The following DALRD3 variants were observed in gnomAD, a reference collection of about 807,000 sequenced individuals.
The protein encoded by DALRD3 is DALR anticodon-binding domain-containing protein 3.
A neutral mutation model predicts 56.7 loss-of-function variants in DALRD3; 47 were observed. That is an observed-to-expected ratio of 0.83 (90% CI 0.66 to 1.06). DALRD3 has a LOEUF of 1.06. Ranked by LOEUF, DALRD3 falls within the 50% of genes least tolerant of loss-of-function variation. DALRD3 has a pLI of 0.00. For synonymous variants in DALRD3, 347 were observed against 308.5 expected (o/e 1.12, Z -1.31); for missense variants, 787 against 724.0 (o/e 1.09, Z -1.00).
At chr3:49,019,776 A>G (rs1353171022), upstream of DALRD3, among the ~76,000 whole-genome samples, 1 of 152,206 alleles carries the variant, frequency 6.6e-6, no homozygotes. Flanking sequence ...CGCCCGGCTC[A>G]GAATGACCAG....
Position 49,017,739 on chromosome 3 carries a change from C to T in DALRD3, c.592G>A (p.Glu198Lys), listed in dbSNP as rs772964964. 1 of 1,613,964 alleles carries T rather than the reference C, an allele frequency of 6.2e-7. No individual in the cohort carries two copies. The highest frequency in any genetic ancestry group is 8.5e-7 in the Non-Finnish European group (1 of 1,180,040). Residue 198 changes from glutamate to lysine, a missense_variant, in exon 3 of 12, where the codon GAA becomes AAA. Physicochemically the swap from Glu to Lys is moderately conservative, Grantham distance 56. Transcript: ENST00000341949. ...CTCCCGTCATTAGCAGAGGTAAGTT[C>T]TTCAAGGGCGTGGCTCCTCAGGGTG... ...SHTLRSHALE[E>K]LTSANDGRTL...
intron 2 of DALRD3, 71 bp from the exon 3 acceptor site, chr3:49,017,940 G>A: frequency 6.5e-7 from 1 of 1,530,306 alleles, no homozygotes; most frequent in South Asian, 1.2e-5. Flanking sequence ...ACCTCCAGCC[G>A]CAGTCCCCAC....
Position 49,018,319 on chromosome 3 carries a change from C to T in DALRD3, c.166-1G>A. On this transcript the variant is annotated splice_acceptor_variant, in intron 1 of 11. Coordinates refer to ENST00000341949, the MANE Select transcript of DALRD3 (RefSeq NM_001009996.3). LOFTEE classifies it high-confidence loss of function. ...GGGCATGGAGCAAATGCTCCGGAAC[C>T]TGCGGGAGAACGGGCGTGTAAAAGA... 2 of 1,480,158 alleles carry T rather than the reference C, an allele frequency of 1.4e-6. No individual in the cohort carries two copies. Among genetic ancestry groups the T allele is most frequent in the Non-Finnish European group, 1.8e-6 (2 of 1,121,968 alleles). 91.7% of individuals were successfully genotyped at this position (1,480,158 alleles called of 1,614,324 possible). A position where few individuals can be genotyped will look rare whatever the true frequency, so the allele number is the denominator to read the frequency against.
upstream of DALRD3, chr3:49,019,007 G>A (rs1404613128): frequency 1.0e-6 from 1 of 985,400 alleles, no homozygotes; most frequent in Non-Finnish European, 1.2e-6. Context: ...AAAATATCTC[G>A]TTTTAAAAAG....
rs1559906158 is a variant in DALRD3 at position 49,017,743 on chromosome 3, AAGGGCGTGGCTCCTC to A, written c.573_587del (p.Arg192_Leu196del). The A allele has an allele frequency of 6.2e-7, 1 of 1,614,038 alleles. No homozygotes were observed. The highest frequency in any genetic ancestry group is 2.2e-5 in the East Asian group (1 of 44,884). ...CGTCATTAGCAGAGGTAAGTTCTTC[AAGGGCGTGGCTCCTC>A]AGGGTGTGGGAGGAAGCTCTCTCCG... On this transcript the variant is annotated inframe_deletion, in exon 3 of 12. Coordinates refer to ENST00000341949, the MANE Select transcript of DALRD3 (RefSeq NM_001009996.3).
Position 49,016,357 on chromosome 3 carries a change from C to A in DALRD3, c.1147-17G>T. 2 of 1,605,628 alleles carry A rather than the reference C, an allele frequency of 1.2e-6. No homozygotes were observed. Among genetic ancestry groups the A allele is most frequent in the Middle Eastern group, 3.3e-4 (2 of 6,034 alleles). Reference sequence around the variant, plus strand: ...CAGGAAGAGCTGGGGAATAGAAGCACAGCTGCAGAGAGAGAAGGCAGCCAC... The same window carrying A: ...CAGGAAGAGCTGGGGAATAGAAGCAAAGCTGCAGAGAGAGAAGGCAGCCAC... On this transcript the variant is annotated splice_polypyrimidine_tract_variant and intron_variant, in intron 8 of 11. Transcript: ENST00000341949.
intron 5 of DALRD3, 114 bp from the exon 6 acceptor site, chr3:49,016,961 C>T: frequency 2.4e-6 from 3 of 1,274,080 alleles, no homozygotes; most frequent in Non-Finnish European, 3.3e-6. Context: ...ATTGGAACTG[C>T]CAGGTTGAGT....
chr3:49,016,949 A>C (rs901047055), intron 5 of DALRD3, 102 bp from the exon 6 acceptor site: 1 of 1,372,286 alleles, frequency 7.3e-7, no homozygotes, highest in African/African-American at 1.4e-5. Flanking sequence ...AGACTCCCTC[A>C]AATTGGAACT....
At chr3:49,016,702 G>A (rs2093079756) in intron 6 of DALRD3, 29 bp from the exon 7 acceptor site, 2 of 1,611,826 alleles carry the variant, frequency 1.2e-6, no homozygotes, top group Non-Finnish European at 1.7e-6. Flanking sequence ...AAGGCCAGTG[G>A]GCAGGGTCCT....
At chr3:49,019,197 C>G (rs968906758), upstream of DALRD3, 3 of 232,132 alleles carry the variant, frequency 1.3e-5, no homozygotes, top group Non-Finnish European at 1.4e-5. Flanking sequence ...CTCAGCCTCC[C>G]GAGTAGCTGG....
Position 49,018,571 on chromosome 3 carries a change from C to T in DALRD3, c.-7G>A, listed in dbSNP as rs536287180. On this transcript the variant is annotated 5_prime_UTR_variant, in exon 1 of 12. Coordinates refer to ENST00000341949, the MANE Select transcript of DALRD3 (RefSeq NM_001009996.3). Reference sequence around the variant, plus strand: ...CAAGGCGCCTGGTCGCCATGGTGACCGGAAGGAGTAAGCGGAACCGGAAAA... The same window carrying T: ...CAAGGCGCCTGGTCGCCATGGTGACTGGAAGGAGTAAGCGGAACCGGAAAA... 2 of 1,564,474 alleles carry T rather than the reference C, an allele frequency of 1.3e-6. No homozygotes were observed. Among genetic ancestry groups the T allele is most frequent in the East Asian group, 2.4e-5 (1 of 42,512 alleles).
chr3:49,015,632 T>TA lies in DALRD3; in HGVS notation c.1587dup (p.Thr530TyrfsTer?), dbSNP rs1446460687. The stretch of plus-strand genomic sequence containing the variant: ...GGGAGACCCAGCATAGCCAGGCCAG[T>TA]ATGGAGCACCTCACGCACAGCTCTC... On this transcript the variant is annotated frameshift_variant, in exon 12 of 12. Coordinates refer to ENST00000341949, the MANE Select transcript of DALRD3 (RefSeq NM_001009996.3). LOFTEE classifies it high-confidence loss of function. 1 of 1,614,078 alleles carries TA rather than the reference T, an allele frequency of 6.2e-7. No homozygotes were observed. Among genetic ancestry groups the TA allele is most frequent in the Admixed American group, 1.7e-5 (1 of 59,994 alleles).
At chr3:49,017,379 G>C in intron 4 of DALRD3, 23 bp from the exon 5 acceptor site, 1 of 1,614,228 alleles carries the variant, frequency 6.2e-7, no homozygotes, top group Non-Finnish European at 8.5e-7. Context: ...AATCATAACT[G>C]TGGAAGTACA....
chr3:49,017,946 C>G (rs897066104), intron 2 of DALRD3, 77 bp from the exon 3 acceptor site: 45 of 1,518,744 alleles, frequency 3.0e-5, no homozygotes, highest in Non-Finnish European at 4.0e-5. Context: ...AGCCGCAGTC[C>G]CCACGGGCGG....
At position 49,018,485 on chromosome 3, in the gene DALRD3, A is replaced by T. The variant is rs1239643024; in HGVS notation, c.80T>A (p.Ile27Asn). Residue 27 changes from isoleucine to asparagine, a missense_variant, in exon 1 of 12, where the codon ATC becomes AAC. Coordinates refer to ENST00000341949, the MANE Select transcript of DALRD3 (RefSeq NM_001009996.3). The part of the protein sequence containing the change: ...AALGPGGPVW[I>N]KETRTRHLRS... ...CAGGTGGCGGGTGCGCGTCTCCTTG[A>T]TCCACACCGGACCGCCTGGCCCCAG... 6.3e-7 allele frequency: 1 copy of T among 1,588,148 alleles called. No individual in the cohort carries two copies. The highest frequency in any genetic ancestry group is 8.6e-7 in the Non-Finnish European group (1 of 1,167,348).
At chr3:49,019,285 C>A (rs1413764987), upstream of DALRD3, among the ~76,000 whole-genome samples, 14 of 151,924 alleles carry the variant, frequency 9.2e-5, no homozygotes, top group South Asian at 2.7e-3. Context: ...GTTGGCCAGG[C>A]TGGTCTCGAA....
At chr3:49,018,838 C>T (rs2093126041), upstream of DALRD3, 1 of 985,334 alleles carries the variant, frequency 1.0e-6, no homozygotes, top group Non-Finnish European at 1.2e-6. Flanking sequence ...GAAAAGGATC[C>T]TCGCGACCCG....
In DALRD3 at chr3:49,018,069, T is replaced by C. The variant is rs749195431; in HGVS notation, c.415A>G (p.Thr139Ala). ...GCCAGGTGATCGGCCACGAGCACCG[T>C]ACGCAGCTGGCTCAAGCGGAGTGCG... ...PCALRLSQLR[T>A]VLVADHLARA... Residue 139 changes from threonine (T) to alanine (A), a missense_variant, in exon 2 of 12, where the codon ACG (threonine) becomes GCG (alanine). Transcript: ENST00000341949. 2.0e-6 allele frequency: 3 copies of C among 1,492,160 alleles called. No individual in the cohort carries two copies. The highest frequency in any genetic ancestry group is 1.8e-6 in the Non-Finnish European group (2 of 1,130,982). The allele number at this position is 1,492,160 out of a possible 1,614,324, so 92.4% of individuals were successfully genotyped here. A position where few individuals can be genotyped will look rare whatever the true frequency, so the allele number is the denominator to read the frequency against.
At chr3:49,017,058 C>T in intron 5 of DALRD3, 170 bp downstream of exon 5, 2 of 1,006,012 alleles carry the variant, frequency 2.0e-6, no homozygotes, top group Non-Finnish European at 2.9e-6. Flanking sequence ...TCTACAGACC[C>T]CCCTTCCCCA....
Sources: gnomAD v4.1 joint callset for allele counts (sites outside exome capture counted in the v4.1 genomes callset) on GRCh38, gnomAD v4.1.1 for gene constraint, MANE v1.5 for transcripts, NCBI Gene and HGNC (gene_info 2026-07-23, HGNC 2026-07-21) for gene names.